Variants in FAF1 observed in about 807,000 individuals in gnomAD.
FAF1 encodes the protein FAS-associated factor 1.
FAF1 carries 25 observed loss-of-function variants against 92.5 expected under a neutral mutation model. The ratio of observed to expected loss-of-function variants is 0.27; its 90% CI spans 0.20 to 0.38. The LOEUF is 0.38. Among genes scored for constraint, FAF1 ranks in the 10% least tolerant of loss-of-function variants. The pLI is 1.00. For synonymous variants in FAF1, 234 were observed against 273.2 expected (o/e 0.86, Z 1.42); for missense variants, 636 against 793.3 (o/e 0.80, Z 2.38).
intron 8 of FAF1, among the ~76,000 whole-genome samples, chr1:50,634,886 A>C (rs1653939449): frequency 6.6e-6 from 1 of 152,240 alleles, no homozygotes; most frequent in Admixed American, 6.5e-5. Flanking sequence ...ACTAGGCAGA[A>C]AAGGGTGGTT....
chr1:50,911,541 A>G (rs1269057086), intron 1 of FAF1, among the ~76,000 whole-genome samples: 2 of 151,184 alleles, frequency 1.3e-5, no homozygotes, highest in Non-Finnish European at 3.0e-5. Context: ...ACCAAAAAAC[A>G]CAAAAATTAA....
intron 7 of FAF1, among the ~76,000 whole-genome samples, chr1:50,694,292 A>AAGGC (rs139259314): frequency 6.6e-6 from 1 of 152,076 alleles, no homozygotes; most frequent in Non-Finnish European, 1.5e-5. Flanking sequence ...TCATTAGGCA[A>AAGGC]AGGCAGGCAG....
chr1:50,751,150 T>TA (rs201412517), intron 4 of FAF1, among the ~76,000 whole-genome samples: 4,961 of 141,162 alleles, frequency 0.035, 117 homozygotes, highest in Middle Eastern at 0.079. Context: ...CATTTCATGT[T>TA]AAAAAAAAAA....
chr1:50,889,436 AG>A (rs1431490814), intron 1 of FAF1, among the ~76,000 whole-genome samples: 2 of 151,974 alleles, frequency 1.3e-5, no homozygotes, highest in African/African-American at 4.8e-5. Context: ...TTGCTTATCT[AG>A]TTCTTTTAAT....
At chr1:50,763,956 T>C (rs995114032) in intron 4 of FAF1, among the ~76,000 whole-genome samples, 2 of 152,166 alleles carry the variant, frequency 1.3e-5, no homozygotes, top group Admixed American at 6.5e-5. Flanking sequence ...ACCAACTATA[T>C]AGCTGTTTGG....
chr1:50,644,732 T>C (rs1654503355), intron 8 of FAF1, among the ~76,000 whole-genome samples: 3 of 152,230 alleles, frequency 2.0e-5, no homozygotes, highest in South Asian at 2.1e-4. Context: ...AGTTGTTTCA[T>C]GTATTTTATC....
intron 9 of FAF1, among the ~76,000 whole-genome samples, chr1:50,595,805 A>G (rs546087777): frequency 1.3e-5 from 2 of 152,302 alleles, no homozygotes; most frequent in Admixed American, 1.3e-4. Context: ...GGCCATCCAA[A>G]GTGCTGGGAT....
chr1:50,589,029 T>C (rs1355187141), intron 9 of FAF1, among the ~76,000 whole-genome samples: 2 of 152,140 alleles, frequency 1.3e-5, no homozygotes, highest in African/African-American at 2.4e-5. Context: ...TCTGTGTATA[T>C]GTGGGCAGCT....
At chr1:50,442,313 C>G (rs983530154) in intron 18 of FAF1, among the ~76,000 whole-genome samples, 1 of 152,094 alleles carries the variant, frequency 6.6e-6, no homozygotes, top group African/African-American at 2.4e-5. Flanking sequence ...TTGAGTAATA[C>G]TGGTTTAGTG....
At chr1:50,524,525 A>G (rs566280027) in intron 15 of FAF1, among the ~76,000 whole-genome samples, 9 of 152,242 alleles carry the variant, frequency 5.9e-5, no homozygotes, top group Non-Finnish European at 7.4e-5. Flanking sequence ...TGGGTTTTCC[A>G]TTTAAGTCTT....
At chr1:50,658,330 G>C (rs932090193) in intron 7 of FAF1, among the ~76,000 whole-genome samples, 2 of 151,714 alleles carry the variant, frequency 1.3e-5, no homozygotes, top group African/African-American at 4.8e-5. Flanking sequence ...CATCCTTTTG[G>C]AAAGGCCGCA....
At chr1:50,866,292 C>A (rs1644481259) in intron 1 of FAF1, among the ~76,000 whole-genome samples, 1 of 152,036 alleles carries the variant, frequency 6.6e-6, no homozygotes. Flanking sequence ...GATAAGGATG[C>A]CCACTTTCAC....
At chr1:50,629,457 C>A (rs943444496) in intron 8 of FAF1, among the ~76,000 whole-genome samples, 1 of 152,096 alleles carries the variant, frequency 6.6e-6, no homozygotes, top group African/African-American at 2.4e-5. Flanking sequence ...GTGTGAGCCA[C>A]CGTGCCTGGC....
chr1:50,816,662 G>A (rs1643980014), intron 2 of FAF1, among the ~76,000 whole-genome samples: 1 of 152,012 alleles, frequency 6.6e-6, no homozygotes, highest in Non-Finnish European at 1.5e-5. Context: ...AGCTTCTTTT[G>A]CTCGGCAGAA....
intron 9 of FAF1, among the ~76,000 whole-genome samples, chr1:50,591,346 A>G (rs968655315): frequency 6.6e-6 from 1 of 152,130 alleles, no homozygotes; most frequent in African/African-American, 2.4e-5. Context: ...TAAACTGTGT[A>G]TTTGTGGGGA....
intron 18 of FAF1, among the ~76,000 whole-genome samples, chr1:50,472,928 C>A (rs1020527010): frequency 1.3e-5 from 2 of 152,118 alleles, no homozygotes; most frequent in Admixed American, 1.3e-4. Context: ...ACTCTCACCC[C>A]ACCCCTGGCT....
chr1:50,609,548 C>T (rs2124131156), intron 8 of FAF1, among the ~76,000 whole-genome samples: 1 of 152,220 alleles, frequency 6.6e-6, no homozygotes, highest in South Asian at 2.1e-4. Context: ...CCACATCTGG[C>T]CAACTTTTTT....
chr1:50,474,067 T>C (rs1646607682), intron 18 of FAF1, among the ~76,000 whole-genome samples: 1 of 152,236 alleles, frequency 6.6e-6, no homozygotes, highest in South Asian at 2.1e-4. Context: ...TAATCTCCAA[T>C]GATAGGAAAA....
intron 1 of FAF1, among the ~76,000 whole-genome samples, chr1:50,949,820 C>G (rs974775571): frequency 3.9e-5 from 6 of 152,050 alleles, no homozygotes; most frequent in Non-Finnish European, 8.8e-5. Flanking sequence ...CTGACCTAGT[C>G]CAGTCTTCTG....
Sources: allele counts gnomAD v4.1 joint callset (sites outside exome capture counted in the v4.1 genomes callset), GRCh38; gene constraint gnomAD v4.1.1; transcripts MANE v1.5; gene names NCBI Gene and HGNC (gene_info 2026-07-23, HGNC 2026-07-21).